Variants in HHIP observed in about 807,000 individuals in gnomAD.
HHIP encodes the protein hedgehog interacting protein.
Under a neutral mutation model 74.0 loss-of-function variants are expected in HHIP, and 12 were observed. The ratio of observed to expected loss-of-function variants is 0.16; its 90% CI spans 0.10 to 0.26. The LOEUF (loss-of-function observed/expected upper bound fraction) is 0.26. HHIP is among the 10% of genes least tolerant of loss of function. The pLI is 1.00. For missense variants in HHIP, 788 were observed against 845.0 expected (o/e 0.93, Z 0.84); for synonymous variants, 309 against 311.6 (o/e 0.99, Z 0.09).
Position 144,708,216 on chromosome 4 carries a change from C to T in HHIP, c.1206C>T (p.Cys402=), listed in dbSNP as rs111603894. Residue 402 remains cysteine (C), a synonymous_variant, in exon 7 of 13, where the codon TGC becomes TGT. Coordinates refer to ENST00000296575, the MANE Select transcript of HHIP (RefSeq NM_022475.3). The stretch of plus-strand genomic sequence containing the variant: ...GGCTGGATGTGGACACAGACATGTG[C>T]AACGTGCCTTATTCCATACCAAGGA... ...VLRLDVDTDM[C]NVPYSIPRSN... 1.7e-5 allele frequency: 28 copies of T among 1,614,084 alleles called. No homozygotes were observed. In the African/African-American group the frequency reaches 2.3e-4, roughly 13 times the overall value.
chr4:144,691,207 A>G (rs1729653414), intron 4 of HHIP, among the ~76,000 whole-genome samples: 1 of 152,224 alleles, frequency 6.6e-6, no homozygotes. Context: ...TTTCACAGTG[A>G]TAAAATATAG....
intron 11 of HHIP, among the ~76,000 whole-genome samples, chr4:144,728,592 C>T (rs1730860519): frequency 6.6e-6 from 1 of 152,002 alleles, no homozygotes; most frequent in Non-Finnish European, 1.5e-5. Flanking sequence ...ATACATAATA[C>T]AGATATTTCT....
chr4:144,680,618 A>G (rs1729307332), intron 4 of HHIP, among the ~76,000 whole-genome samples: 1 of 152,214 alleles, frequency 6.6e-6, no homozygotes, highest in Admixed American at 6.5e-5. Context: ...GTTCAGCTCT[A>G]CATCAGAGCT....
chr4:144,684,242 T>C (rs1322209085), intron 4 of HHIP, among the ~76,000 whole-genome samples: 2 of 10,474 alleles, frequency 1.9e-4, no homozygotes, highest in African/African-American at 7.0e-4. Context: ...ATTTTTTTTT[T>C]TTTTTTTTTT....
At chr4:144,674,217 G>A (rs1560701244) in intron 4 of HHIP, among the ~76,000 whole-genome samples, 1 of 152,172 alleles carries the variant, frequency 6.6e-6, no homozygotes, top group Non-Finnish European at 1.5e-5. Flanking sequence ...TCCATACACT[G>A]TATAGATTAG....
chr4:144,741,920 T>C lies in HHIP; in HGVS notation c.*3963T>C, dbSNP rs1413533691. On this transcript the variant is annotated 3_prime_UTR_variant, in exon 13 of 13. Transcript: ENST00000296575. ...TGTAGTTTTAATTGTAATTGACTGA[T>C]TAACCAAGTAATTTATAAAATGTTA... The C allele has an allele frequency of 2.0e-5, 3 of 152,086 alleles. No individual in the cohort carries two copies. The highest frequency in any genetic ancestry group is 2.0e-4 in the Admixed American group (3 of 15,258). The allele number at this position is 152,086 out of a possible 1,614,324, so 9.4% of individuals were successfully genotyped here.
rs199570897 is a variant in HHIP, at chr4:144,715,407, T to C, written c.1655T>C (p.Leu552Ser). 3 of 1,613,354 alleles carry C rather than the reference T, an allele frequency of 1.9e-6. No homozygotes were observed. ...AGAGGCTACTTTTCCGGTCACATCTTGGGATTTGGAGAAGATGAACTAGGT... is the reference window on the plus strand; with the variant it reads ...AGAGGCTACTTTTCCGGTCACATCTCGGGATTTGGAGAAGATGAACTAGGT... ...SCRGYFSGHI[L>S]GFGEDELGEV... The change falls in exon 10 of 13, where the codon TTG (leucine) becomes TCG (serine). Residue 552 changes from leucine to serine, a missense_variant. Leu to Ser is a moderately radical substitution (Grantham distance 145). Coordinates refer to ENST00000296575, the MANE Select transcript of HHIP (RefSeq NM_022475.3).
At chr4:144,688,685 T>C (rs535126860) in intron 4 of HHIP, among the ~76,000 whole-genome samples, 1 of 152,340 alleles carries the variant, frequency 6.6e-6, no homozygotes, top group Non-Finnish European at 1.5e-5. Context: ...AGAAACTATG[T>C]AAACTGGTAG....
At chr4:144,733,707 C>T (rs1030795858) in intron 11 of HHIP, among the ~76,000 whole-genome samples, 3 of 152,148 alleles carry the variant, frequency 2.0e-5, no homozygotes, top group Non-Finnish European at 2.9e-5. Context: ...TGTTTACATT[C>T]CTTAACTGAA....
At chr4:144,673,426 G>A (rs1228205584) in intron 4 of HHIP, among the ~76,000 whole-genome samples, 1 of 152,180 alleles carries the variant, frequency 6.6e-6, no homozygotes, top group Non-Finnish European at 1.5e-5. Context: ...TTGTGGTAAT[G>A]TAATGAAGAG....
At chr4:144,734,349 A>G (rs1731047910) in intron 11 of HHIP, among the ~76,000 whole-genome samples, 5 of 152,154 alleles carry the variant, frequency 3.3e-5, no homozygotes, top group Admixed American at 6.5e-5. Flanking sequence ...TATCTCAGAC[A>G]CTATTCCTAA....
At chr4:144,658,250 T>C (rs893654811) in intron 2 of HHIP, among the ~76,000 whole-genome samples, 20 of 152,322 alleles carry the variant, frequency 1.3e-4, no homozygotes, top group African/African-American at 4.8e-4. Context: ...AGCCTTTTAA[T>C]ACTCAACACA....
chr4:144,735,726 T>C (rs1731097674), intron 12 of HHIP, among the ~76,000 whole-genome samples: 1 of 152,224 alleles, frequency 6.6e-6, no homozygotes, highest in African/African-American at 2.4e-5. Context: ...CATTTAATAT[T>C]ATTTATTCAT....
At chr4:144,714,098 G>C in intron 8 of HHIP, 127 bp from the exon 9 acceptor site, 1 of 759,372 alleles carries the variant, frequency 1.3e-6, no homozygotes, top group Non-Finnish European at 2.1e-6. Context: ...GCTCTAGCAA[G>C]AAACCCTTTG....
intron 2 of HHIP, among the ~76,000 whole-genome samples, chr4:144,658,544 T>C (rs1179905128): frequency 6.6e-6 from 1 of 151,940 alleles, no homozygotes; most frequent in South Asian, 2.1e-4. Flanking sequence ...AATTTTTATA[T>C]TTTTAGTAGA....
chr4:144,721,116 C>A (rs904798320), intron 11 of HHIP, among the ~76,000 whole-genome samples: 1 of 152,082 alleles, frequency 6.6e-6, no homozygotes, highest in African/African-American at 2.4e-5. Flanking sequence ...CCAAAACCCC[C>A]AGGTTTGCTA....
intron 8 of HHIP, among the ~76,000 whole-genome samples, chr4:144,712,427 A>C (rs939478223): frequency 5.3e-5 from 8 of 152,208 alleles, no homozygotes; most frequent in Non-Finnish European, 1.0e-4. Context: ...ACAGAGAAAA[A>C]ACAAGTGTTA....
At chr4:144,673,064 G>A (rs543425524) in intron 4 of HHIP, among the ~76,000 whole-genome samples, 78 of 152,324 alleles carry the variant, frequency 5.1e-4, no homozygotes, top group African/African-American at 1.8e-3. Flanking sequence ...AGGCAAGGGT[G>A]GAAGCAGGGA....
At chr4:144,725,257 C>T (rs181730044) in intron 11 of HHIP, among the ~76,000 whole-genome samples, 7 of 152,216 alleles carry the variant, frequency 4.6e-5, no homozygotes, top group Admixed American at 4.6e-4. Context: ...ATCTTAGCAT[C>T]ATTTTGTTAC....
Sources: gnomAD v4.1 joint callset for allele counts (sites outside exome capture counted in the v4.1 genomes callset) on GRCh38, gnomAD v4.1.1 for gene constraint, MANE v1.5 for transcripts, NCBI Gene and HGNC (gene_info 2026-07-23, HGNC 2026-07-21) for gene names.